The following TACR3 variants were observed in gnomAD, a reference collection of about 807,000 sequenced individuals.
The protein encoded by TACR3 is neuromedin-K receptor.
TACR3 carries 34 observed loss-of-function variants against 35.0 expected under a neutral mutation model. The ratio of observed to expected loss-of-function variants is 0.97; its 90% CI spans 0.74 to 1.30. The LOEUF is 1.30. Among genes scored for constraint, TACR3 ranks in the 50% most tolerant of loss-of-function variants. The pLI, the probability that TACR3 is intolerant of heterozygous loss-of-function variation, is 0.00. For missense variants in TACR3, 558 were observed against 591.7 expected (o/e 0.94, Z 0.59); for synonymous variants, 233 against 221.1 (o/e 1.05, Z -0.48).
In TACR3 at chr4:103,687,935, G is replaced by T. The variant is rs113059095; in HGVS notation, c.549-29532C>A. ...ATGGAACCAAAAAAGAGCCCGCATC[G>T]CCAAGTCAGTCCTAAGCCAAAAGAA... On this transcript the variant is annotated intron_variant, in intron 1 of 4. Transcript: ENST00000304883. Among the ~76,000 whole-genome samples the T allele has an allele frequency of 7.0e-4, 106 of 152,004 alleles. No individual in the cohort carries two copies. In the Middle Eastern group the frequency reaches 0.01, roughly 15 times the overall value.
At chr4:103,642,055 A>C (rs1466077622) in intron 3 of TACR3, among the ~76,000 whole-genome samples, 11 of 151,904 alleles carry the variant, frequency 7.2e-5, no homozygotes, top group African/African-American at 2.7e-4. Context: ...TCTACTGAAC[A>C]GCATGATGAC....
chr4:103,646,903 T>C (rs1382396175), intron 3 of TACR3, among the ~76,000 whole-genome samples: 1 of 151,956 alleles, frequency 6.6e-6, no homozygotes, highest in Non-Finnish European at 1.5e-5. Context: ...GTTTTCTTAC[T>C]TAGGGAACAG....
intron 1 of TACR3, among the ~76,000 whole-genome samples, chr4:103,695,345 T>TA (rs1032155492): frequency 6.6e-6 from 1 of 152,096 alleles, no homozygotes; most frequent in Non-Finnish European, 1.5e-5. Context: ...TGCTATCCCT[T>TA]AGACAGCAAG....
chr4:103,687,361 A>C (rs1028630799), intron 1 of TACR3, among the ~76,000 whole-genome samples: 1 of 151,894 alleles, frequency 6.6e-6, no homozygotes, highest in Non-Finnish European at 1.5e-5. Flanking sequence ...CTCTCTCAAC[A>C]CTCCTATTCA....
rs1162011350 is a variant in TACR3 at position 103,588,000 on chromosome 4, G to A, written c.*1682C>T. The A allele has an allele frequency of 6.6e-6, 1 of 151,612 alleles. No individual in the cohort carries two copies. The highest frequency in any genetic ancestry group is 1.5e-5 in the Non-Finnish European group (1 of 67,904). The allele number at this position is 151,612 out of a possible 1,614,324, so 9.4% of individuals were successfully genotyped here. A position where few individuals can be genotyped will look rare whatever the true frequency, so the allele number is the denominator to read the frequency against. Reference sequence around the variant, plus strand: ...TGTATGTGTGTGTGTGTGTGTGTGTGTCTCTTTGTTTATTGGTATCATCAG... The same window carrying A: ...TGTATGTGTGTGTGTGTGTGTGTGTATCTCTTTGTTTATTGGTATCATCAG... On this transcript the variant is annotated 3_prime_UTR_variant, in exon 5 of 5. Coordinates refer to ENST00000304883, the MANE Select transcript of TACR3 (RefSeq NM_001059.3).
chr4:103,671,434 G>A (rs1279159066), intron 1 of TACR3, among the ~76,000 whole-genome samples: 1 of 151,854 alleles, frequency 6.6e-6, no homozygotes, highest in Non-Finnish European at 1.5e-5. Context: ...CTTCTTTGAT[G>A]GGAGAGTTTT....
chr4:103,644,283 A>G (rs1429146707), intron 3 of TACR3, among the ~76,000 whole-genome samples: 2 of 151,860 alleles, frequency 1.3e-5, no homozygotes, highest in African/African-American at 2.4e-5. Context: ...TTTAAGCTTC[A>G]CTGTTTCAAT....
At chr4:103,600,991 C>T (rs375571946) in intron 3 of TACR3, among the ~76,000 whole-genome samples, 2 of 152,102 alleles carry the variant, frequency 1.3e-5, no homozygotes, top group African/African-American at 2.4e-5. Context: ...TTGTGCAGAG[C>T]TGAGTTCAAT....
chr4:103,619,283 G>C (rs1415896407), intron 3 of TACR3, among the ~76,000 whole-genome samples: 1 of 152,064 alleles, frequency 6.6e-6, no homozygotes, highest in Non-Finnish European at 1.5e-5. Flanking sequence ...TCTGCCTCCA[G>C]GGTTCAAGCA....
At chr4:103,621,601 T>A (rs1321694202) in intron 3 of TACR3, among the ~76,000 whole-genome samples, 1 of 152,132 alleles carries the variant, frequency 6.6e-6, no homozygotes, top group Non-Finnish European at 1.5e-5. Flanking sequence ...TTAGAGTTAA[T>A]TTGAAGGTCC....
At chr4:103,661,568 C>T (rs557998452) in intron 1 of TACR3, among the ~76,000 whole-genome samples, 51 of 152,188 alleles carry the variant, frequency 3.4e-4, no homozygotes, top group South Asian at 2.9e-3. Context: ...AGCTTAAAGC[C>T]CTGTACAACT....
intron 2 of TACR3, 128 bp downstream of exon 2, chr4:103,658,087 A>G: frequency 1.1e-6 from 1 of 917,554 alleles, no homozygotes; most frequent in Non-Finnish European, 1.7e-6. Flanking sequence ...ATTTTTATAT[A>G]TTTCCTTTTC....
At chr4:103,596,979 A>G (rs113474824) in intron 3 of TACR3, among the ~76,000 whole-genome samples, 49 of 145,776 alleles carry the variant, frequency 3.4e-4, no homozygotes, top group South Asian at 6.5e-4. Flanking sequence ...TATGTGCCAC[A>G]TTTTCTTAAT....
chr4:103,613,124 T>C (rs1724549244), intron 3 of TACR3, among the ~76,000 whole-genome samples: 1 of 152,190 alleles, frequency 6.6e-6, no homozygotes, highest in South Asian at 2.1e-4. Context: ...AGTTATATTT[T>C]AGCTGTCGTA....
chr4:103,630,328 A>C (rs902121841), intron 3 of TACR3, among the ~76,000 whole-genome samples: 1 of 152,250 alleles, frequency 6.6e-6, no homozygotes, highest in African/African-American at 2.4e-5. Flanking sequence ...AAAAGCCAAA[A>C]TTGACAAATG....
intron 1 of TACR3, among the ~76,000 whole-genome samples, chr4:103,666,356 A>C (rs547825054): frequency 4.6e-5 from 7 of 152,294 alleles, no homozygotes; most frequent in African/African-American, 1.7e-4. Flanking sequence ...CTGAGGTAGG[A>C]GAAAGCAGAG....
intron 3 of TACR3, among the ~76,000 whole-genome samples, chr4:103,593,830 C>G (rs1318768537): frequency 6.6e-6 from 1 of 152,130 alleles, no homozygotes; most frequent in African/African-American, 2.4e-5. Context: ...TGCTCTTTCT[C>G]TTCAGTTTGT....
chr4:103,613,306 T>C (rs898197737), intron 3 of TACR3, among the ~76,000 whole-genome samples: 19 of 152,194 alleles, frequency 1.2e-4, no homozygotes, highest in African/African-American at 4.6e-4. Context: ...CACATACCTA[T>C]AAAATGAGGC....
intron 3 of TACR3, among the ~76,000 whole-genome samples, chr4:103,596,037 G>C (rs1371285992): frequency 6.6e-6 from 1 of 150,992 alleles, no homozygotes; most frequent in African/African-American, 2.4e-5. Context: ...TACTGAGAAT[G>C]ATGATTTCCA....
Sources: allele counts gnomAD v4.1 joint callset (sites outside exome capture counted in the v4.1 genomes callset), GRCh38; gene constraint gnomAD v4.1.1; transcripts MANE v1.5; gene names NCBI Gene and HGNC (gene_info 2026-07-23, HGNC 2026-07-21).